The following HEMK2 variants were observed in gnomAD, a reference collection of about 807,000 sequenced individuals.
The protein encoded by HEMK2 is HemK methyltransferase 2, ETF1 glutamine and histone H4 lysine.
chr21:28,605,411 T>C, the HEMK2 span, among the ~76,000 whole-genome samples: 1 of 152,264 alleles, frequency 6.6e-6, no homozygotes, highest in Admixed American at 6.5e-5. Flanking sequence ...GGCACTCATG[T>C]GTCACTCTTA....
At chr21:28,658,367 G>GA in the HEMK2 span, among the ~76,000 whole-genome samples, 3 of 152,008 alleles carry the variant, frequency 2.0e-5, no homozygotes, top group Non-Finnish European at 4.4e-5. Flanking sequence ...AGGGCCCTAA[G>GA]AAAATGCATA....
the HEMK2 span, among the ~76,000 whole-genome samples, chr21:28,807,652 G>A: frequency 6.6e-6 from 1 of 152,130 alleles, no homozygotes; most frequent in Non-Finnish European, 1.5e-5. Flanking sequence ...TTTTGGCAGA[G>A]AGCAATTCCT....
the HEMK2 span, among the ~76,000 whole-genome samples, chr21:28,729,911 C>T: frequency 3.9e-5 from 6 of 152,102 alleles, no homozygotes; most frequent in African/African-American, 1.4e-4. Context: ...GCAAAACACA[C>T]GTGGAGAACA....
At chr21:28,655,909 A>G in the HEMK2 span, among the ~76,000 whole-genome samples, 2 of 152,076 alleles carry the variant, frequency 1.3e-5, no homozygotes, top group South Asian at 4.1e-4. Context: ...TTTGATTCTT[A>G]TAACTTGAGA....
the HEMK2 span, chr21:28,874,619 A>T: frequency 6.6e-6 from 1 of 152,280 alleles, no homozygotes. Context: ...CTGGAGAAAG[A>T]GGCCTACTAG....
At chr21:28,587,665 T>C in the HEMK2 span, among the ~76,000 whole-genome samples, 3 of 152,210 alleles carry the variant, frequency 2.0e-5, no homozygotes, top group Non-Finnish European at 4.4e-5. Context: ...CATTTTCAAC[T>C]ATCTACAAAT....
chr21:28,878,934 T>G, the HEMK2 span, among the ~76,000 whole-genome samples: 1 of 148,108 alleles, frequency 6.8e-6, no homozygotes, highest in Non-Finnish European at 1.5e-5. Flanking sequence ...TATTTATATA[T>G]TATTAAATAT....
chr21:28,787,906 C>T, the HEMK2 span, among the ~76,000 whole-genome samples: 17 of 152,178 alleles, frequency 1.1e-4, no homozygotes, highest in South Asian at 1.0e-3. Flanking sequence ...GATACTTGCA[C>T]GTGCATGTTT....
the HEMK2 span, chr21:28,885,215 G>A: frequency 1.3e-6 from 2 of 1,575,504 alleles, no homozygotes; most frequent in Non-Finnish European, 1.7e-6. Context: ...CTCGCACCCT[G>A]CCAGTTCGGC....
the HEMK2 span, among the ~76,000 whole-genome samples, chr21:28,856,533 C>G: frequency 6.6e-6 from 1 of 152,162 alleles, no homozygotes. Context: ...GTCTGCACCT[C>G]TCACAGAGAA....
At chr21:28,839,978 C>CA in the HEMK2 span, among the ~76,000 whole-genome samples, 2 of 152,002 alleles carry the variant, frequency 1.3e-5, no homozygotes, top group African/African-American at 2.4e-5. Flanking sequence ...ACTATAAGGC[C>CA]ATAGTTACCA....
the HEMK2 span, among the ~76,000 whole-genome samples, chr21:28,777,505 C>T: frequency 6.6e-6 from 1 of 152,120 alleles, no homozygotes; most frequent in Admixed American, 6.5e-5. Context: ...ATTGCCTTAG[C>T]CCAAACATAA....
the HEMK2 span, among the ~76,000 whole-genome samples, chr21:28,800,197 C>A: frequency 6.6e-6 from 1 of 152,108 alleles, no homozygotes; most frequent in South Asian, 2.1e-4. Context: ...CAAGTGGGCC[C>A]CTTTGTTTTA....
the HEMK2 span, chr21:28,882,334 A>G: frequency 2.0e-6 from 2 of 1,022,566 alleles, no homozygotes; most frequent in Admixed American, 4.3e-5. Flanking sequence ...TGTTCCATTA[A>G]TTCTACACAG....
the HEMK2 span, among the ~76,000 whole-genome samples, chr21:28,686,408 T>C: frequency 6.6e-6 from 1 of 152,056 alleles, no homozygotes; most frequent in Non-Finnish European, 1.5e-5. Flanking sequence ...CTAATTTTTG[T>C]ATTTTTAGTA....
the HEMK2 span, among the ~76,000 whole-genome samples, chr21:28,789,584 G>A: frequency 6.6e-5 from 10 of 152,178 alleles, no homozygotes; most frequent in African/African-American, 2.4e-4. Flanking sequence ...GGTAGAAGTA[G>A]GTAAATTCTT....
At chr21:28,876,368 TG>T in the HEMK2 span, 1 of 1,518,776 alleles carries the variant, frequency 6.6e-7, no homozygotes, top group African/African-American at 1.4e-5. Context: ...CCAGTAGTTC[TG>T]GGCACACACT....
chr21:28,740,324 T>C, the HEMK2 span, among the ~76,000 whole-genome samples: 8 of 152,304 alleles, frequency 5.3e-5, no homozygotes, highest in African/African-American at 1.4e-4. Context: ...CACATGAACA[T>C]AGACAAAGTC....
the HEMK2 span, among the ~76,000 whole-genome samples, chr21:28,582,542 G>A: frequency 6.6e-6 from 1 of 152,272 alleles, no homozygotes; most frequent in Non-Finnish European, 1.5e-5. Context: ...TCTGCAGAGG[G>A]TCTGCCAGGG....
Sources: allele counts gnomAD v4.1 joint callset (sites outside exome capture counted in the v4.1 genomes callset), GRCh38; gene constraint gnomAD v4.1.1; transcripts MANE v1.5; gene names NCBI Gene and HGNC (gene_info 2026-07-23, HGNC 2026-07-21).